Variants in ASS1 observed in about 807,000 individuals in gnomAD.
The protein encoded by ASS1 is argininosuccinate synthase.
ASS1 carries 58 observed loss-of-function variants against 60.5 expected under a neutral mutation model. The observed-to-expected ratio is 0.96, with a 90% CI of 0.78 to 1.19. The LOEUF is 1.19. Among genes scored for constraint, ASS1 ranks in the 50% most tolerant of loss-of-function variants. ASS1 has a pLI of 0.00. For missense variants in ASS1, 454 were observed against 547.3 expected, an observed-to-expected ratio of 0.83 and a Z score of 1.70; for synonymous variants, 200 against 206.9, an observed-to-expected ratio of 0.97 and a Z score of 0.29.
In ASS1 at chr9:130,489,064, C is replaced by G. The variant is rs1037498344; in HGVS notation, c.839-269C>G. On this transcript the variant is annotated intron_variant, in intron 11 of 14. Transcript: ENST00000352480. The surrounding 1 kb of genome is among the most constrained non-coding windows in gnomAD (Gnocchi z 4.1). The stretch of plus-strand genomic sequence containing the variant: ...AGGGAGGGGTTGCTGCTCCGAAACC[C>G]TGTCATTTTCTAGCGTCTGAGGGCC... Among the ~76,000 whole-genome samples the G allele has an allele frequency of 3.9e-5, 6 of 152,104 alleles. No individual in the cohort carries two copies. The highest frequency in any genetic ancestry group is 1.4e-4 in the African/African-American group (6 of 41,418).
chr9:130,486,448 C>T (rs1283781973), intron 11 of ASS1, among the ~76,000 whole-genome samples: 3 of 152,186 alleles, frequency 2.0e-5, no homozygotes, highest in African/African-American at 7.2e-5. Context: ...TTTTCTCAGT[C>T]ATTCCTCTGT....
In ASS1 at chr9:130,471,122, C is replaced by T. The variant is rs921967146; in HGVS notation, c.566+218C>T. Among the ~76,000 whole-genome samples, 11 of 152,152 alleles carry T rather than the reference C, an allele frequency of 7.2e-5. No individual in the cohort carries two copies. The South Asian group carries it at 8.3e-4, about 11-fold the overall frequency. On this transcript the variant is annotated intron_variant, in intron 7 of 14. Coordinates refer to ENST00000352480, the MANE Select transcript of ASS1 (RefSeq NM_054012.4). ...GTTGGGGAGATAGATCATGGGGACC[C>T]GGCCTCATCAGGAGTATCAAGGAGG... is the stretch of plus-strand genomic sequence containing the variant.
rs1215940 is a variant in ASS1 at position 130,480,487 on chromosome 9, A to G, written c.838+38A>G. On this transcript the variant is annotated intron_variant, in intron 11 of 14. Transcript: ENST00000352480. ...AGCCTCCCTCAGGGCCTGCCTCGGG[A>G]CCCAGCAAACCCAGAGATCCCTGAG... is the stretch of plus-strand genomic sequence containing the variant. 1,576,225 of 1,608,404 alleles carry G rather than the reference A, an allele frequency of 0.98. 776,308 individuals are homozygous for G. Among genetic ancestry groups the G allele is most frequent in the East Asian group, 1 (44,811 of 44,812 alleles).
At chr9:130,467,342 A>G (rs2131883215) in intron 6 of ASS1, among the ~76,000 whole-genome samples, 1 of 152,272 alleles carries the variant, frequency 6.6e-6, no homozygotes, top group African/African-American at 2.4e-5. Flanking sequence ...AACATATTAG[A>G]AGTTTTGCAT....
chr9:130,456,484 C>CCAAA (rs912463903), intron 3 of ASS1, among the ~76,000 whole-genome samples: 1 of 152,124 alleles, frequency 6.6e-6, no homozygotes, highest in African/African-American at 2.4e-5. Context: ...AACCAACCAA[C>CCAAA]CAAACAAACA....
chr9:130,452,398 C>G (rs1845348942), intron 2 of ASS1, 65 bp downstream of exon 2: 1 of 1,405,692 alleles, frequency 7.1e-7, no homozygotes, highest in Admixed American at 1.7e-5. Context: ...CTGCCCCCTG[C>G]CAGCCTCTGT....
rs545582247 is a variant in ASS1 at position 130,467,958 on chromosome 9, T to C, written c.495+1159T>C. Among the ~76,000 whole-genome samples, 44 of 152,310 alleles carry C rather than the reference T, an allele frequency of 2.9e-4. 1 individual carries two copies. The South Asian group carries it at 8.7e-3, about 30-fold the overall frequency. The stretch of plus-strand genomic sequence containing the variant: ...CTCAGGAGCACACTGCTGTCCTTCC[T>C]TCTCAGGTTTTGAGGAGAAGGTGCT... On this transcript the variant is annotated intron_variant, in intron 6 of 14. Transcript: ENST00000352480.
At chr9:130,485,534 G>C (rs1217738624) in intron 11 of ASS1, among the ~76,000 whole-genome samples, 4 of 152,190 alleles carry the variant, frequency 2.6e-5, no homozygotes, top group Admixed American at 2.6e-4. Flanking sequence ...TGGCCGAGCT[G>C]AGGACAGAAA....
intron 5 of ASS1, chr9:130,466,324 G>A (rs12340634): frequency 0.036 from 9,827 of 274,510 alleles, 888 homozygotes; most frequent in African/African-American, 0.2. Context: ...CCGACCACAC[G>A]TGGGGCCAGG....
intron 4 of ASS1, among the ~76,000 whole-genome samples, chr9:130,462,191 G>T (rs1399427287): frequency 6.6e-6 from 1 of 152,140 alleles, no homozygotes; most frequent in Non-Finnish European, 1.5e-5. Context: ...ATATGATTCT[G>T]AGACTCTAGC....
rs549926158 is a variant in ASS1 at position 130,491,366 on chromosome 9, G to A, written c.970+1902G>A. ...CACGGAGGCTGATCCCACCGTGGCC[G>A]CGGCCACGGCTGCCACTTATCCTGC... On this transcript the variant is annotated intron_variant, in intron 12 of 14. Transcript: ENST00000352480. The surrounding 1 kb of genome is among the most constrained non-coding windows in gnomAD (Gnocchi z 5.3). 2.4e-3 allele frequency among the ~76,000 whole-genome samples: 368 copies of A among 152,284 alleles called. No individual in the cohort carries two copies. The highest frequency in any genetic ancestry group is 8.4e-3 in the African/African-American group (351 of 41,566).
At chr9:130,471,700 CG>C (rs1383269586) in intron 8 of ASS1, among the ~76,000 whole-genome samples, 185 bp downstream of exon 8, 2 of 152,030 alleles carry the variant, frequency 1.3e-5, no homozygotes, top group Non-Finnish European at 2.9e-5. Context: ...ACCGTCTCCT[CG>C]CTGCATTTGA....
chr9:130,472,198 G>A (rs979039516), intron 8 of ASS1, among the ~76,000 whole-genome samples: 6 of 152,306 alleles, frequency 3.9e-5, no homozygotes, highest in Admixed American at 1.3e-4. Context: ...CCCACACCCC[G>A]GGGAGGCTGG....
chr9:130,470,777 G>A lies in ASS1; in HGVS notation c.496-57G>A. The A allele has an allele frequency of 6.5e-7, 1 of 1,545,880 alleles. No homozygotes were observed. Among genetic ancestry groups the A allele is most frequent in the Admixed American group, 1.7e-5 (1 of 59,940 alleles). On this transcript the variant is annotated intron_variant, in intron 6 of 14. Coordinates refer to ENST00000352480, the MANE Select transcript of ASS1 (RefSeq NM_054012.4). The surrounding 1 kb of genome is among the most constrained non-coding windows in gnomAD (Gnocchi z 4.3). ...CTGAAAAAGCAGGGCCCCTGGGACG[G>A]ACCTCACGCGTCCTTCCAGCCGCCT...
intron 8 of ASS1, among the ~76,000 whole-genome samples, chr9:130,472,129 A>C (rs905429442): frequency 3.9e-5 from 6 of 152,070 alleles, no homozygotes; most frequent in Non-Finnish European, 7.4e-5. Flanking sequence ...CAAATCTATC[A>C]TGGGAAGAGA....
rs866504426 is a variant in ASS1 at position 130,494,779 on chromosome 9, A to G, written c.971-88A>G. On this transcript the variant is annotated intron_variant, in intron 12 of 14. Transcript: ENST00000352480. This position sits in a 1 kb window ranked among gnomAD's most constrained non-coding sequence, Gnocchi z 4.3. Reference sequence around the variant, plus strand: ...CATGGTCTGCATGGCGGGGTAAACCATGGGGCACCCTTCCTGTGCCCCAGG... The same window carrying G: ...CATGGTCTGCATGGCGGGGTAAACCGTGGGGCACCCTTCCTGTGCCCCAGG... The G allele has an allele frequency of 1.6e-5, 25 of 1,535,922 alleles. 1 individual carries two copies. The highest frequency in any genetic ancestry group is 2.1e-4 in the Middle Eastern group (1 of 4,822).
intron 5 of ASS1, 38 bp downstream of exon 5, chr9:130,464,205 C>T: frequency 6.3e-7 from 1 of 1,599,228 alleles, no homozygotes; most frequent in Non-Finnish European, 8.6e-7. Flanking sequence ...GGAGCACTAG[C>T]ATCTGCAGCA....
chr9:130,500,518 C>T (rs1033911527), intron 14 of ASS1, among the ~76,000 whole-genome samples: 5 of 152,118 alleles, frequency 3.3e-5, no homozygotes, highest in Non-Finnish European at 5.9e-5. Flanking sequence ...CCATCATTTT[C>T]TCCCAGAGCC....
At chr9:130,484,412 C>T (rs191344770) in intron 11 of ASS1, among the ~76,000 whole-genome samples, 51 of 152,188 alleles carry the variant, frequency 3.4e-4, no homozygotes, top group African/African-American at 1.2e-3. Flanking sequence ...CCCAGCCACC[C>T]CTGGCCACCC....
Sources: gnomAD v4.1 joint callset for allele counts (sites outside exome capture counted in the v4.1 genomes callset) on GRCh38, gnomAD v4.1.1 for gene constraint, Gnocchi (gnomAD v3.1) non-coding constraint, MANE v1.5 for transcripts, NCBI Gene and HGNC (gene_info 2026-07-23, HGNC 2026-07-21) for gene names.